RYR1: variants seen among roughly 807,000 people sequenced by gnomAD.
RYR1 encodes central core disease of muscle.
A neutral mutation model predicts 583.5 loss-of-function variants in RYR1; 342 were observed. The ratio of observed to expected loss-of-function variants is 0.59; its 90% CI spans 0.54 to 0.64. RYR1 has a LOEUF of 0.64. Among genes scored for constraint, RYR1 ranks in the 30% least tolerant of loss-of-function variants. The pLI, the probability that RYR1 is intolerant of heterozygous loss-of-function variation, is 0.00. For missense variants in RYR1, 6,032 were observed against 6,917.2 expected, an observed-to-expected ratio of 0.87 and a Z score of 4.54; for synonymous variants, 2,791 against 2,822.5, an observed-to-expected ratio of 0.99 and a Z score of 0.35.
intron 94 of RYR1, among the ~76,000 whole-genome samples, chr19:38,571,449 A>G (rs550019047): frequency 2.6e-4 from 40 of 152,296 alleles, no homozygotes; most frequent in African/African-American, 8.7e-4. Context: ...GCCTGGCCAC[A>G]TGGTGAAACC....
In RYR1 at chr19:38,483,459, C is replaced by A; in HGVS notation, c.4877C>A (p.Ala1626Asp). ...CGTGCCGGCGAGCGGCTGGGCTGGG[C>A]CGTGCAGTGCCAGGAGCCGCTGACC... The part of the protein sequence containing the change: ...TRRAGERLGW[A>D]VQCQEPLTMM... Residue 1626 changes from alanine (A) to aspartate (D), a missense_variant, in exon 33 of 106, where the codon GCC (alanine) becomes GAC (aspartate). Coordinates refer to ENST00000359596, the MANE Select transcript of RYR1 (RefSeq NM_000540.3). The surrounding 1 kb of genome is among the most constrained non-coding windows in gnomAD (Gnocchi z 6.3). 6.4e-7 allele frequency: 1 copy of A among 1,568,280 alleles called. No homozygotes were observed. Among genetic ancestry groups the A allele is most frequent in the Non-Finnish European group, 8.6e-7 (1 of 1,160,380 alleles).
At chr19:38,563,521 T>A (rs1973249547) in intron 90 of RYR1, among the ~76,000 whole-genome samples, 1 of 152,228 alleles carries the variant, frequency 6.6e-6, no homozygotes, top group Non-Finnish European at 1.5e-5. Flanking sequence ...CGCCTCGGCC[T>A]CCCAAAGTGT....
chr19:38,540,969 A>G (rs1178916655), intron 84 of RYR1, among the ~76,000 whole-genome samples: 1 of 152,028 alleles, frequency 6.6e-6, no homozygotes, highest in Non-Finnish European at 1.5e-5. Context: ...CTCCAATCAT[A>G]TATTACAGTA....
intron 27 of RYR1, among the ~76,000 whole-genome samples, chr19:38,473,099 G>A (rs1968513796): frequency 6.6e-6 from 1 of 151,978 alleles, no homozygotes; most frequent in Non-Finnish European, 1.5e-5. Context: ...TGGATGTAGG[G>A]AGGTTTTGGA....
Position 38,483,591 on chromosome 19 carries a change from C to A in RYR1, c.4934+75C>A. ...TGGGGTCTGGGTCCCACTCAGTGCC[C>A]CTCCTCAACACAACCCCGGGATTCC... On this transcript the variant is annotated intron_variant, in intron 33 of 105. Transcript: ENST00000359596. This position sits in a 1 kb window ranked among gnomAD's most constrained non-coding sequence, Gnocchi z 6.3. 1 of 1,312,136 alleles carries A rather than the reference C, an allele frequency of 7.6e-7. No homozygotes were observed. Among genetic ancestry groups the A allele is most frequent in the Non-Finnish European group, 1.1e-6 (1 of 946,024 alleles). 81.3% of individuals were successfully genotyped at this position (1,312,136 alleles called of 1,614,324 possible). A position where few individuals can be genotyped will look rare whatever the true frequency, so the allele number is the denominator to read the frequency against.
Position 38,548,318 on chromosome 19 carries a change from C to A in RYR1, c.12180C>A (p.Phe4060Leu). The A allele has an allele frequency of 1.2e-6, 2 of 1,614,206 alleles. No individual in the cohort carries two copies. Among genetic ancestry groups the A allele is most frequent in the Non-Finnish European group, 1.7e-6 (2 of 1,180,040 alleles). Reference protein sequence around the residue: ...SSSNVEMILKFFDMFLKLKDI... With the variant: ...SSSNVEMILKLFDMFLKLKDI... ...CCAATGTGGAGATGATCCTCAAGTT[C>A]TTCGACATGTTCCTGAAACTCAAGG... The change falls in exon 89 of 106, where the codon TTC becomes TTA. Residue 4060 changes from phenylalanine to leucine, a missense_variant. Physicochemically the swap from Phe to Leu is conservative, Grantham distance 22. Transcript: ENST00000359596.
intron 1 of RYR1, among the ~76,000 whole-genome samples, chr19:38,436,864 G>C (rs1022625662): frequency 1.3e-5 from 2 of 152,014 alleles, no homozygotes; most frequent in African/African-American, 4.8e-5. Context: ...TTTGGTGGGT[G>C]GTGACCTCTA....
rs754142352 is a variant in RYR1 at position 38,501,024 on chromosome 19, C to G, written c.7614+34C>G. The G allele has an allele frequency of 5.6e-6, 9 of 1,606,472 alleles. 1 individual carries two copies. In the Admixed American group the frequency reaches 1.5e-4, roughly 27 times the overall value. The stretch of plus-strand genomic sequence containing the variant: ...CCCTGCCCAGCCTGGCCACCCTCCC[C>G]ACTTCCACAGAGGGACAGGAGATGG... On this transcript the variant is annotated intron_variant, in intron 47 of 105. Coordinates refer to ENST00000359596, the MANE Select transcript of RYR1 (RefSeq NM_000540.3).
In RYR1 at chr19:38,473,405, C is replaced by T. The variant is rs1342722014; in HGVS notation, c.3794C>T (p.Thr1265Met). The T allele has an allele frequency of 1.2e-6, 2 of 1,613,846 alleles. No individual in the cohort carries two copies. The highest frequency in any genetic ancestry group is 1.7e-6 in the Non-Finnish European group (2 of 1,179,984). ...TCCCGAGTGGACGGCACTGTGGACA[C>T]GCCCCCCTGCCTGCGCCTGACCCAC... Reference protein sequence around the residue: ...EVSRVDGTVDTPPCLRLTHRT... With the variant: ...EVSRVDGTVDMPPCLRLTHRT... Residue 1265 changes from threonine to methionine, a missense_variant, in exon 28 of 106, where the codon ACG becomes ATG. Physicochemically the swap from Thr to Met is moderately conservative, Grantham distance 81 (BLOSUM62 -1). Around this residue, in one of 11 missense-constraint regions of RYR1, gnomAD observed 2,627 missense variants for 2,961.3 expected, o/e 0.89. Coordinates refer to ENST00000359596, the MANE Select transcript of RYR1 (RefSeq NM_000540.3).
Position 38,499,809 on chromosome 19 carries a change from G to T in RYR1, c.7202G>T (p.Arg2401Leu), listed in dbSNP as rs370007152. 1 of 1,605,218 alleles carries T rather than the reference G, an allele frequency of 6.2e-7. No homozygotes were observed. The highest frequency in any genetic ancestry group is 8.5e-7 in the Non-Finnish European group (1 of 1,179,060). The change falls in exon 44 of 106, where the codon CGG (arginine) becomes CTG (leucine). Residue 2401 changes from arginine (R) to leucine (L), a missense_variant. Arg to Leu is a moderately radical substitution (Grantham distance 102). Around this residue, in one of 11 missense-constraint regions of RYR1, gnomAD observed 2,627 missense variants for 2,961.3 expected, o/e 0.89. Transcript: ENST00000359596. This position sits in a 1 kb window ranked among gnomAD's most constrained non-coding sequence, Gnocchi z 7.3. ...GATGGCCCAGGCATCCGCAGGGACCGGCGGCGCGAGCAGTGAGTCTCCCGG... is the reference window on the plus strand; with the variant it reads ...GATGGCCCAGGCATCCGCAGGGACCTGCGGCGCGAGCAGTGAGTCTCCCGG... ...ARDGPGIRRD[R>L]RREHFGEEPP...
rs114975624 is a variant in RYR1, at chr19:38,502,629, G to T, written c.7737G>T (p.Val2579=). 1.7e-5 allele frequency: 27 copies of T among 1,613,096 alleles called. No homozygotes were observed. Among genetic ancestry groups the T allele is most frequent in the Non-Finnish European group, 2.3e-5 (27 of 1,179,934 alleles). Residue 2579 remains valine (V), a synonymous_variant, in exon 48 of 106, where the codon GTG becomes GTT. Coordinates refer to ENST00000359596, the MANE Select transcript of RYR1 (RefSeq NM_000540.3). ...GCACAGAACACCGCGCCATCATGGT[G>T]GACTCTATGCTGCATACCGTGTACC... ...FAGTEHRAIM[V]DSMLHTVYRL...
intron 61 of RYR1, 79 bp downstream of exon 61, chr19:38,511,689 C>G (rs1970732836): frequency 6.6e-7 from 1 of 1,512,938 alleles, no homozygotes. Context: ...CAGGTTCTGC[C>G]TTAATTTGAA....
intron 58 of RYR1, among the ~76,000 whole-genome samples, chr19:38,510,068 G>GA (rs1277378015): frequency 6.6e-6 from 1 of 152,148 alleles, no homozygotes; most frequent in Non-Finnish European, 1.5e-5. Flanking sequence ...GAAGTTGGGG[G>GA]AAAGCACATT....
rs1969100858 is a variant in RYR1, at chr19:38,483,216, G to A, written c.4708-74G>A. On this transcript the variant is annotated intron_variant, in intron 32 of 105. Transcript: ENST00000359596. The surrounding 1 kb of genome is among the most constrained non-coding windows in gnomAD (Gnocchi z 6.3). ...CTGAAGGGGAGGGGGCAATCCAAGA[G>A]GTCTCCCTGGAAGTGGTGTGGTGGG... 7 of 1,582,206 alleles carry A rather than the reference G, an allele frequency of 4.4e-6. No homozygotes were observed. The highest frequency in any genetic ancestry group is 1.3e-5 in the African/African-American group (1 of 74,464).
Position 38,477,897 on chromosome 19 carries a change from G to T in RYR1, c.4454+27G>T, listed in dbSNP as rs111563972. The T allele has an allele frequency of 2.3e-4, 344 of 1,483,096 alleles. 8 individuals are homozygous for T. In the African/African-American group the frequency reaches 3.7e-3, roughly 16 times the overall value. 91.9% of individuals were successfully genotyped at this position (1,483,096 alleles called of 1,614,324 possible). A position where few individuals can be genotyped will look rare whatever the true frequency, so the allele number is the denominator to read the frequency against. On this transcript the variant is annotated intron_variant, in intron 30 of 105. Coordinates refer to ENST00000359596, the MANE Select transcript of RYR1 (RefSeq NM_000540.3). ...TGCCGGGGCTGGGGGGAGGTGGGAG[G>T]TGCAGGGTGGGGAGGGCAGGAGGCA...
chr19:38,466,412 C>T lies in RYR1; in HGVS notation c.3178+14C>T, dbSNP rs1167574147. 1 of 1,540,926 alleles carries T rather than the reference C, an allele frequency of 6.5e-7. No individual in the cohort carries two copies. Among genetic ancestry groups the T allele is most frequent in the Non-Finnish European group, 8.7e-7 (1 of 1,146,628 alleles). Reference sequence around the variant, plus strand: ...ACCAGGAGCCCAGTGAGTGCTCACCCCTGGCCCTGGCCCTGACTCCTACCC... The same window carrying T: ...ACCAGGAGCCCAGTGAGTGCTCACCTCTGGCCCTGGCCCTGACTCCTACCC... On this transcript the variant is annotated intron_variant, in intron 24 of 105. Transcript: ENST00000359596.
At chr19:38,524,141 CTTTTCT>C (rs2145706978) in intron 70 of RYR1, among the ~76,000 whole-genome samples, 1 of 112,474 alleles carries the variant, frequency 8.9e-6, no homozygotes, top group East Asian at 2.9e-4. Context: ...AATTTGACTT[CTTTTCT>C]TTTTCTTCTT....
Position 38,510,434 on chromosome 19 carries a change from C to T in RYR1, c.8933-64C>T. 8.4e-6 allele frequency: 13 copies of T among 1,544,848 alleles called. 1 individual carries two copies. Among genetic ancestry groups the T allele is most frequent in the Non-Finnish European group, 7.2e-6 (8 of 1,117,658 alleles). Reference sequence around the variant, plus strand: ...CCAACTCTGCTCCCAGCATCCTTCCCATCAGAACACCCTGGGTTCCCCAGC... The same window carrying T: ...CCAACTCTGCTCCCAGCATCCTTCCTATCAGAACACCCTGGGTTCCCCAGC... On this transcript the variant is annotated intron_variant, in intron 58 of 105. Coordinates refer to ENST00000359596, the MANE Select transcript of RYR1 (RefSeq NM_000540.3).
intron 29 of RYR1, among the ~76,000 whole-genome samples, chr19:38,477,216 C>G (rs1203392584): frequency 4.6e-5 from 7 of 152,194 alleles, no homozygotes; most frequent in African/African-American, 1.4e-4. Flanking sequence ...GATCTCGGCT[C>G]ACTGCAACCT....
Sources: gnomAD v4.1 joint callset for allele counts (sites outside exome capture counted in the v4.1 genomes callset) on GRCh38, gnomAD v4.1.1 for gene constraint, gnomAD v4.1.1 regional missense constraint, Gnocchi (gnomAD v3.1) non-coding constraint, MANE v1.5 for transcripts, NCBI Gene and HGNC (gene_info 2026-07-23, HGNC 2026-07-21) for gene names.